COQ8A: variants seen among roughly 807,000 people sequenced by gnomAD.
COQ8A encodes coenzyme Q8A.
Under a neutral mutation model 65.0 loss-of-function variants are expected in COQ8A, and 51 were observed. The observed-to-expected ratio is 0.78, with a 90% CI of 0.63 to 0.99. The LOEUF is 0.99. Ranked by LOEUF, COQ8A falls within the 50% of genes least tolerant of loss-of-function variation. The pLI, the probability that COQ8A is intolerant of heterozygous loss-of-function variation, is 0.00. For synonymous variants in COQ8A, 371 were observed against 353.2 expected, an observed-to-expected ratio of 1.05 and a Z score of -0.57; for missense variants, 940 against 875.0, an observed-to-expected ratio of 1.07 and a Z score of -0.94.
chr1:226,980,320 T>C (rs1201961990), intron 5 of COQ8A, among the ~76,000 whole-genome samples: 1 of 152,230 alleles, frequency 6.6e-6, no homozygotes, highest in Non-Finnish European at 1.5e-5. Flanking sequence ...GCTTTGCCAA[T>C]GGGCTACCTG....
Position 226,986,700 on chromosome 1 carries a change from C to A in COQ8A, c.1907C>A (p.Ala636Asp). 1 of 1,613,982 alleles carries A rather than the reference C, an allele frequency of 6.2e-7. No individual in the cohort carries two copies. The highest frequency in any genetic ancestry group is 8.5e-7 in the Non-Finnish European group (1 of 1,180,040). ...RFPCKAMFEE[A>D]YSNYCKRQAQ... ...CCCTGCAAGGCCATGTTCGAGGAGG[C>A]CTACAGCAACTACTGCAAGAGGCAG... The change falls in exon 15 of 15, where the codon GCC becomes GAC. Residue 636 changes from alanine to aspartate, a missense_variant. Ala to Asp is a moderately radical substitution (Grantham distance 126). Coordinates refer to ENST00000366777, the MANE Select transcript of COQ8A (RefSeq NM_020247.5).
At chr1:226,981,888 GTAGT>G (rs1236179922) in intron 5 of COQ8A, 135 bp from the exon 6 acceptor site, 9 of 1,313,956 alleles carry the variant, frequency 6.8e-6, no homozygotes, top group African/African-American at 1.5e-5. Context: ...ACATGGAACA[GTAGT>G]TAGTTATGTT....
chr1:226,982,645 A>G, intron 6 of COQ8A, 33 bp from the exon 7 acceptor site: 1 of 1,607,016 alleles, frequency 6.2e-7, no homozygotes, highest in South Asian at 1.1e-5. Context: ...TTTAATCCCC[A>G]GGTTCGCCCT....
intron 5 of COQ8A, among the ~76,000 whole-genome samples, chr1:226,978,380 C>T (rs1223035576): frequency 7.0e-6 from 1 of 142,746 alleles, no homozygotes; most frequent in East Asian, 2.3e-4. Context: ...TACACACCCT[C>T]CACATACCCT....
At chr1:226,983,351 G>A in intron 8 of COQ8A, 1 of 678,406 alleles carries the variant, frequency 1.5e-6, no homozygotes, top group Non-Finnish European at 2.6e-6. Flanking sequence ...CAGGGGTGAG[G>A]TGAGGCAGGA....
chr1:226,960,327 TATCA>T (rs1558187205), intron 1 of COQ8A, among the ~76,000 whole-genome samples: 17 of 20,844 alleles, frequency 8.2e-4, no homozygotes, highest in Admixed American at 2.0e-3. Context: ...TTGGTGGTGG[TATCA>T]GTGGTACTTG....
intron 1 of COQ8A, among the ~76,000 whole-genome samples, chr1:226,947,718 C>T (rs1315460330): frequency 1.3e-5 from 2 of 152,004 alleles, no homozygotes; most frequent in Admixed American, 1.3e-4. Context: ...ATCACCTGTG[C>T]CTGGGGAGGT....
chr1:226,982,619 G>A, intron 6 of COQ8A, 59 bp from the exon 7 acceptor site: 1 of 1,580,632 alleles, frequency 6.3e-7, no homozygotes, highest in Non-Finnish European at 8.7e-7. Flanking sequence ...TGCCCGCCCA[G>A]GTCCTGGGCG....
chr1:226,953,764 A>G (rs1657525077), intron 1 of COQ8A, among the ~76,000 whole-genome samples: 1 of 152,102 alleles, frequency 6.6e-6, no homozygotes, highest in South Asian at 2.1e-4. Context: ...CTGAAGCTGG[A>G]CCTCGCGAGA....
intron 2 of COQ8A, 33 bp downstream of exon 2, chr1:226,961,595 C>G (rs748648663): frequency 4.4e-6 from 7 of 1,589,324 alleles, no homozygotes; most frequent in Non-Finnish European, 5.1e-6. Flanking sequence ...GGGGTGCTGG[C>G]AGGAAGAGGG....
chr1:226,942,188 G>A (rs529691039), intron 1 of COQ8A, among the ~76,000 whole-genome samples: 2 of 152,194 alleles, frequency 1.3e-5, no homozygotes, highest in Admixed American at 1.3e-4. Flanking sequence ...TCTAAAAAGA[G>A]TTGTCCTGTG....
At chr1:226,944,379 C>T (rs1029009425) in intron 1 of COQ8A, among the ~76,000 whole-genome samples, 27 of 151,842 alleles carry the variant, frequency 1.8e-4, no homozygotes, top group Middle Eastern at 6.8e-3. Flanking sequence ...TACAGGAGAG[C>T]AGAGAGTGGG....
chr1:226,940,821 C>T (rs1020765810), intron 1 of COQ8A, among the ~76,000 whole-genome samples: 4 of 152,232 alleles, frequency 2.6e-5, no homozygotes, highest in African/African-American at 9.6e-5. Context: ...CACTGTGTGT[C>T]TGGGGCTCTA....
intron 1 of COQ8A, among the ~76,000 whole-genome samples, chr1:226,955,714 G>A (rs1657679425): frequency 8.9e-6 from 1 of 111,874 alleles, no homozygotes; most frequent in Admixed American, 9.0e-5. Flanking sequence ...CCACTCCCTG[G>A]TTCACACTCT....
chr1:226,984,484 CCA>C (rs1659950071), intron 11 of COQ8A, 62 bp from the exon 12 acceptor site: 12 of 1,454,716 alleles, frequency 8.2e-6, no homozygotes, highest in South Asian at 2.3e-5. Flanking sequence ...TTCTCTGGCC[CCA>C]GTCTCCCAGG....
intron 1 of COQ8A, among the ~76,000 whole-genome samples, chr1:226,956,704 G>A (rs1487175533): frequency 8.2e-5 from 7 of 85,340 alleles, no homozygotes; most frequent in East Asian, 4.4e-4. Context: ...ACTCTCCCTG[G>A]TTCACACTCT....
intron 1 of COQ8A, among the ~76,000 whole-genome samples, chr1:226,950,398 CT>C (rs1359600643): frequency 1.3e-5 from 2 of 152,222 alleles, no homozygotes; most frequent in Non-Finnish European, 2.9e-5. Flanking sequence ...CAAAAACACA[CT>C]GTTTTGCTCT....
chr1:226,948,886 C>T (rs1192629518), intron 1 of COQ8A, among the ~76,000 whole-genome samples: 3 of 152,168 alleles, frequency 2.0e-5, no homozygotes, highest in African/African-American at 7.2e-5. Context: ...AATAGGAATA[C>T]GTTCTTGAAT....
chr1:226,969,424 G>A (rs1658753094), intron 4 of COQ8A, among the ~76,000 whole-genome samples: 2 of 152,156 alleles, frequency 1.3e-5, no homozygotes, highest in South Asian at 4.2e-4. Context: ...TCAGCCTCCC[G>A]AGTAGCTGAG....
Sources: gnomAD v4.1 joint callset for allele counts (sites outside exome capture counted in the v4.1 genomes callset) on GRCh38, gnomAD v4.1.1 for gene constraint, MANE v1.5 for transcripts, NCBI Gene and HGNC (gene_info 2026-07-23, HGNC 2026-07-21) for gene names.